ROBO2: variants seen among roughly 807,000 people sequenced by gnomAD.
The protein encoded by ROBO2 is roundabout homolog 2.
In ROBO2, 53 loss-of-function variants were observed where a neutral mutation model predicts 160.8. The observed-to-expected ratio is 0.33, with a 90% CI of 0.26 to 0.41. The LOEUF (loss-of-function observed/expected upper bound fraction) is 0.41. Among genes scored for constraint, ROBO2 ranks in the 10% least tolerant of loss-of-function variants. The probability of loss-of-function intolerance (pLI) is 1.00; values close to 1 mark genes in which losing one functional copy is unlikely to be tolerated. For missense variants in ROBO2, 1,577 were observed against 1,722.4 expected (o/e 0.92, Z 1.49); for synonymous variants, 664 against 611.7 (o/e 1.09, Z -1.26).
chr3:77,089,889 G>A (rs1259486834), intron 1 of ROBO2, among the ~76,000 whole-genome samples: 2 of 152,164 alleles, frequency 1.3e-5, no homozygotes, highest in African/African-American at 4.8e-5. Context: ...GGACAGACTT[G>A]ATGGATTGAT....
intron 2 of ROBO2, among the ~76,000 whole-genome samples, chr3:76,901,666 CAAG>C (rs1323399321): frequency 1.6e-4 from 24 of 148,150 alleles, no homozygotes; most frequent in Admixed American, 1.3e-4. Context: ...ACTTTTAATT[CAAG>C]AAGAAGTTTG....
intron 1 of ROBO2, chr3:75,937,475 A>C (rs1947837312): frequency 6.7e-7 from 1 of 1,496,912 alleles, no homozygotes; most frequent in South Asian, 1.3e-5. Context: ...CCCACTCAAT[A>C]TGCAGAGTTT....
chr3:76,037,702 A>G (rs1380953792), intron 2 of ROBO2, among the ~76,000 whole-genome samples: 1 of 152,024 alleles, frequency 6.6e-6, no homozygotes, highest in Non-Finnish European at 1.5e-5. Context: ...CTTGAAACTC[A>G]CAGTCAAACA....
intron 2 of ROBO2, among the ~76,000 whole-genome samples, chr3:76,155,326 A>T (rs1183377454): frequency 6.6e-6 from 1 of 152,160 alleles, no homozygotes; most frequent in African/African-American, 2.4e-5. Context: ...GATCCTGTTG[A>T]TGGATCCAGG....
intron 2 of ROBO2, among the ~76,000 whole-genome samples, chr3:76,851,502 G>T (rs2069343626): frequency 6.6e-6 from 1 of 151,662 alleles, no homozygotes; most frequent in South Asian, 2.1e-4. Flanking sequence ...TTGGGAGGCC[G>T]AGGCGGGTGG....
chr3:77,587,720 G>A (rs1446004272), intron 16 of ROBO2, among the ~76,000 whole-genome samples: 5 of 152,006 alleles, frequency 3.3e-5, no homozygotes, highest in African/African-American at 1.2e-4. Flanking sequence ...ATATTACAGT[G>A]CTATAGCTAA....
At chr3:76,378,944 C>T (rs546774758) in intron 2 of ROBO2, among the ~76,000 whole-genome samples, 12 of 152,264 alleles carry the variant, frequency 7.9e-5, no homozygotes, top group African/African-American at 2.9e-4. Flanking sequence ...TTGCTATGCA[C>T]AGCTGAAAGA....
chr3:76,936,752 A>G (rs2077728514), intron 2 of ROBO2, among the ~76,000 whole-genome samples: 1 of 77,788 alleles, frequency 1.3e-5, no homozygotes, highest in Non-Finnish European at 2.7e-5. Context: ...AGCAGTGGAT[A>G]TTTTTAGACT....
intron 2 of ROBO2, among the ~76,000 whole-genome samples, chr3:77,449,701 G>A (rs1377650403): frequency 6.6e-6 from 1 of 152,052 alleles, no homozygotes; most frequent in African/African-American, 2.4e-5. Flanking sequence ...GTGTGATTAG[G>A]TGTGCTTTAT....
chr3:76,117,549 G>T (rs1300975663), intron 2 of ROBO2, among the ~76,000 whole-genome samples: 3 of 152,074 alleles, frequency 2.0e-5, no homozygotes, highest in Non-Finnish European at 2.9e-5. Context: ...CTCCTCTGAG[G>T]GACAAGCACT....
chr3:77,026,883 A>T (rs998060342), intron 2 of ROBO2, among the ~76,000 whole-genome samples: 1 of 152,216 alleles, frequency 6.6e-6, no homozygotes, highest in African/African-American at 2.4e-5. Context: ...CTAGAAGACC[A>T]ATCTACAAAT....
intron 2 of ROBO2, among the ~76,000 whole-genome samples, chr3:77,330,476 C>T (rs1343729276): frequency 6.6e-6 from 1 of 152,172 alleles, no homozygotes. Flanking sequence ...TAAGATCACA[C>T]CACTGCACTC....
At position 77,223,250 on chromosome 3, in the gene ROBO2, A is replaced by T. The variant is rs1243493278; in HGVS notation, c.388+124910A>T. ...AAATAGGCTTTGAAAGGAGTTTAAG[A>T]ATATCTGTACCTTCATTGATTTTTT... On this transcript the variant is annotated intron_variant, in intron 2 of 25. Transcript: ENST00000461745. 1.3e-5 allele frequency among the ~76,000 whole-genome samples: 2 copies of T among 152,140 alleles called. 1 individual carries two copies. The highest frequency in any genetic ancestry group is 4.1e-4 in the South Asian group (2 of 4,834).
At chr3:76,744,837 G>C (rs936217756) in intron 2 of ROBO2, among the ~76,000 whole-genome samples, 1 of 152,050 alleles carries the variant, frequency 6.6e-6, no homozygotes, top group Non-Finnish European at 1.5e-5. Flanking sequence ...TAATATTTTA[G>C]CTTGAAAAGA....
intron 2 of ROBO2, among the ~76,000 whole-genome samples, chr3:77,114,763 TA>T (rs537525784): frequency 1.3e-3 from 195 of 152,278 alleles, no homozygotes; most frequent in African/African-American, 4.5e-3. Context: ...ATAATTTTTT[TA>T]AAAAAGCAAA....
chr3:76,126,407 A>G (rs967201370), intron 2 of ROBO2, among the ~76,000 whole-genome samples: 1 of 152,146 alleles, frequency 6.6e-6, no homozygotes, highest in Non-Finnish European at 1.5e-5. Context: ...ACCTGATAGC[A>G]TAACGCTTAT....
chr3:76,633,472 T>C (rs1975573), intron 2 of ROBO2, among the ~76,000 whole-genome samples: 57,249 of 151,942 alleles, frequency 0.38, 11,277 homozygotes, highest in East Asian at 0.63. Context: ...AAAGATCTCA[T>C]CCACATTCTC....
At chr3:77,524,695 G>T (rs2090958123) in intron 6 of ROBO2, among the ~76,000 whole-genome samples, 1 of 151,234 alleles carries the variant, frequency 6.6e-6, no homozygotes, top group Non-Finnish European at 1.5e-5. Flanking sequence ...AAAGTTTCAG[G>T]CTTAACATTT....
At chr3:76,000,157 C>G (rs974240683) in intron 2 of ROBO2, among the ~76,000 whole-genome samples, 1 of 152,076 alleles carries the variant, frequency 6.6e-6, no homozygotes, top group African/African-American at 2.4e-5. Flanking sequence ...TAACATTCAT[C>G]ATCTTGATAC....
Sources: gnomAD v4.1 joint callset for allele counts (sites outside exome capture counted in the v4.1 genomes callset) on GRCh38, gnomAD v4.1.1 for gene constraint, MANE v1.5 for transcripts, NCBI Gene and HGNC (gene_info 2026-07-23, HGNC 2026-07-21) for gene names.